The following COL4A2 variants were observed in gnomAD, a reference collection of about 807,000 sequenced individuals.
The protein encoded by COL4A2 is collagen type IV alpha 2 chain, also known as collagen alpha-2(IV) chain.
In COL4A2, 99 loss-of-function variants were observed where a neutral mutation model predicts 200.2. The observed-to-expected ratio is 0.49, with a 90% CI of 0.42 to 0.58. The LOEUF (loss-of-function observed/expected upper bound fraction) is 0.58. Among genes scored for constraint, COL4A2 ranks in the 20% least tolerant of loss-of-function variants. The pLI is 0.00. For synonymous variants in COL4A2, 897 were observed against 900.6 expected (o/e 1.00, Z 0.07); for missense variants, 1,950 against 2,314.1 (o/e 0.84, Z 3.23).
At chr13:110,318,253 C>G (rs901191626) in intron 3 of COL4A2, among the ~76,000 whole-genome samples, 1 of 152,178 alleles carries the variant, frequency 6.6e-6, no homozygotes. Flanking sequence ...ACCATGGACT[C>G]GTGTCTGGGT....
intron 31 of COL4A2, 85 bp from the exon 32 acceptor site, chr13:110,482,431 C>A: frequency 1.4e-6 from 2 of 1,442,494 alleles, no homozygotes; most frequent in Non-Finnish European, 1.9e-6. Flanking sequence ...AGTTACATTG[C>A]CGAAATGTTA....
chr13:110,502,901 A>C (rs1337151503), intron 41 of COL4A2: 4 of 502,140 alleles, frequency 8.0e-6, no homozygotes, highest in Non-Finnish European at 1.4e-5. Context: ...GTGAAGGTGA[A>C]TATATTGAAT....
chr13:110,349,776 T>A (rs1876871842), intron 3 of COL4A2, among the ~76,000 whole-genome samples: 1 of 152,176 alleles, frequency 6.6e-6, no homozygotes, highest in Non-Finnish European at 1.5e-5. Flanking sequence ...CTTTTTTTTT[T>A]TTATTGAGAC....
intron 4 of COL4A2, among the ~76,000 whole-genome samples, chr13:110,399,545 A>G (rs192474466): frequency 3.7e-4 from 56 of 152,304 alleles, no homozygotes; most frequent in South Asian, 6.2e-4. Context: ...CCCACAGAGG[A>G]CAAAAATAAA....
At chr13:110,446,248 A>AT (rs1881318195) in intron 17 of COL4A2, among the ~76,000 whole-genome samples, 6 of 152,164 alleles carry the variant, frequency 3.9e-5, no homozygotes, top group Admixed American at 3.9e-4. Flanking sequence ...AGGGGAGACC[A>AT]TTAGGTGGAA....
intron 34 of COL4A2, 120 bp downstream of exon 34, chr13:110,485,956 C>A: frequency 6.8e-7 from 1 of 1,471,848 alleles, no homozygotes; most frequent in Non-Finnish European, 9.0e-7. Context: ...TTCAGGGCAG[C>A]CTCAGGCTTG....
intron 43 of COL4A2, 115 bp from the exon 44 acceptor site, chr13:110,503,732 C>A: frequency 1.5e-6 from 2 of 1,304,870 alleles, no homozygotes; most frequent in Non-Finnish European, 2.2e-6. Context: ...CTAGAAAGCA[C>A]AGTTGTCTGG....
intron 20 of COL4A2, among the ~76,000 whole-genome samples, chr13:110,451,305 C>T (rs10161944): frequency 8.4e-4 from 128 of 152,292 alleles, no homozygotes; most frequent in African/African-American, 2.8e-3. Context: ...CGGCCCAGGA[C>T]GGCTTCAAAT....
chr13:110,492,282 T>C (rs974602174), intron 38 of COL4A2, 105 bp downstream of exon 38: 24 of 976,466 alleles, frequency 2.5e-5, no homozygotes, highest in Non-Finnish European at 3.6e-5. Flanking sequence ...CTAAGGCCCA[T>C]ACGAGAGCAA....
rs1229374157 is a variant in COL4A2 at position 110,504,273 on chromosome 13, CAG to C, written c.4402+10_4402+11del. ...GCCGATTGGCCAAGAAGGTGAGTGA[CAG>C]TGGGGAAGGACCTTCCCAGGTCCTA... is the stretch of plus-strand genomic sequence containing the variant. On this transcript the variant is annotated intron_variant, in intron 45 of 47. Transcript: ENST00000360467. 6.2e-7 allele frequency: 1 copy of C among 1,606,458 alleles called. No individual in the cohort carries two copies. Among genetic ancestry groups the C allele is most frequent in the Non-Finnish European group, 8.5e-7 (1 of 1,173,842 alleles).
Position 110,466,010 on chromosome 13 carries a change from C to T in COL4A2, c.1986C>T (p.Asp662=). The T allele has an allele frequency of 1.2e-6, 2 of 1,613,838 alleles. No homozygotes were observed. Among genetic ancestry groups the T allele is most frequent in the Non-Finnish European group, 1.7e-6 (2 of 1,179,784 alleles). Residue 662 remains aspartate (D), a synonymous_variant, in exon 26 of 48, where the codon GAC becomes GAT. Transcript: ENST00000360467. ...CTTATGTCTTCCCCCCAGATTGTGACACAGATGTGAAAAGGGCCGTTGGAG... is the reference window on the plus strand; with the variant it reads ...CTTATGTCTTCCCCCCAGATTGTGATACAGATGTGAAAAGGGCCGTTGGAG... ...PAGTPGQIDC[D]TDVKRAVGGD... is the part of the protein sequence containing the mutation.
At chr13:110,425,337 G>T (rs773860932) in intron 6 of COL4A2, among the ~76,000 whole-genome samples, 2 of 152,160 alleles carry the variant, frequency 1.3e-5, no homozygotes, top group African/African-American at 2.4e-5. Context: ...ATATAAAGTC[G>T]TTCAGCCAAG....
intron 3 of COL4A2, among the ~76,000 whole-genome samples, chr13:110,315,047 C>T (rs1885095484): frequency 6.6e-6 from 1 of 152,240 alleles, no homozygotes; most frequent in African/African-American, 2.4e-5. Flanking sequence ...AGTTGCCTGT[C>T]ATCACCCTGC....
At chr13:110,480,892 C>G (rs1040813482) in intron 31 of COL4A2, among the ~76,000 whole-genome samples, 1 of 151,860 alleles carries the variant, frequency 6.6e-6, no homozygotes, top group Non-Finnish European at 1.5e-5. Context: ...ACACACAGTT[C>G]TGTCCTTCCA....
chr13:110,477,947 T>C (rs978059052), intron 29 of COL4A2, 56 bp from the exon 30 acceptor site: 1 of 1,384,234 alleles, frequency 7.2e-7, no homozygotes, highest in African/African-American at 1.5e-5. Context: ...GGAGATGCTG[T>C]CTGTGATGAA....
At chr13:110,408,802 CACATATAT>C (rs1405985616) in intron 4 of COL4A2, among the ~76,000 whole-genome samples, 1 of 37,006 alleles carries the variant, frequency 2.7e-5, no homozygotes, top group Non-Finnish European at 6.6e-5. Context: ...CACACACGCA[CACATATAT>C]ATACACACAC....
chr13:110,507,845 G>A (rs566548594), intron 46 of COL4A2, 90 bp from the exon 47 acceptor site: 137 of 1,409,848 alleles, frequency 9.7e-5, no homozygotes, highest in East Asian at 1.1e-4. Context: ...GGGCGAGTCC[G>A]TGACACACAG....
intron 10 of COL4A2, among the ~76,000 whole-genome samples, chr13:110,431,109 T>C (rs1880663839): frequency 6.6e-6 from 1 of 152,208 alleles, no homozygotes; most frequent in Admixed American, 6.5e-5. Context: ...TTGCTGAGGC[T>C]TGTGTAGCTC....
chr13:110,501,193 G>A (rs1883626415), intron 40 of COL4A2, among the ~76,000 whole-genome samples: 1 of 152,332 alleles, frequency 6.6e-6, no homozygotes, highest in Admixed American at 6.5e-5. Flanking sequence ...TATCCAAGCT[G>A]GGATCCGAGG....
Sources: allele counts gnomAD v4.1 joint callset (sites outside exome capture counted in the v4.1 genomes callset), GRCh38; gene constraint gnomAD v4.1.1; transcripts MANE v1.5; gene names NCBI Gene and HGNC (gene_info 2026-07-23, HGNC 2026-07-21).